LRMDA: variants seen among roughly 807,000 people sequenced by gnomAD.
LRMDA encodes leucine rich melanocyte differentiation associated, also known as leucine-rich melanocyte differentiation-associated protein.
In LRMDA, 18 loss-of-function variants were observed where a neutral mutation model predicts 29.8. The observed-to-expected ratio is 0.60, with a 90% CI of 0.42 to 0.90. The LOEUF (loss-of-function observed/expected upper bound fraction) is 0.90. Ranked by LOEUF, LRMDA falls within the 40% of genes least tolerant of loss-of-function variation. LRMDA has a pLI of 0.00. For synonymous variants in LRMDA, 125 were observed against 109.4 expected (o/e 1.14, Z -0.89); for missense variants, 273 against 273.9 (o/e 1.00, Z 0.02).
intron 2 of LRMDA, among the ~76,000 whole-genome samples, chr10:75,844,975 C>T (rs888297796): frequency 6.6e-6 from 1 of 152,104 alleles, no homozygotes; most frequent in Non-Finnish European, 1.5e-5. Flanking sequence ...TGTGAACATA[C>T]CATAGTTTTC....
intron 5 of LRMDA, among the ~76,000 whole-genome samples, chr10:76,176,729 G>A (rs1850943411): frequency 6.6e-6 from 1 of 152,198 alleles, no homozygotes; most frequent in South Asian, 2.1e-4. Flanking sequence ...GGAGGCGGAG[G>A]TTGCAGTGAG....
intron 2 of LRMDA, among the ~76,000 whole-genome samples, chr10:75,781,106 G>T (rs1387964859): frequency 2.0e-5 from 3 of 152,160 alleles, no homozygotes; most frequent in African/African-American, 7.2e-5. Flanking sequence ...CACTGTAGCA[G>T]AATCTTCCCT....
At chr10:75,897,074 A>G (rs1226399543) in intron 2 of LRMDA, among the ~76,000 whole-genome samples, 2 of 152,184 alleles carry the variant, frequency 1.3e-5, no homozygotes. Flanking sequence ...ACCGTAGAAA[A>G]GCTGAAATGT....
At chr10:75,824,139 A>G (rs1446118409) in intron 2 of LRMDA, among the ~76,000 whole-genome samples, 1 of 152,202 alleles carries the variant, frequency 6.6e-6, no homozygotes, top group Non-Finnish European at 1.5e-5. Flanking sequence ...AAATCTATAA[A>G]GAAGTTAATT....
At chr10:76,529,046 T>C (rs1351844431) in intron 6 of LRMDA, among the ~76,000 whole-genome samples, 1 of 152,126 alleles carries the variant, frequency 6.6e-6, no homozygotes, top group Non-Finnish European at 1.5e-5. Flanking sequence ...AGGTTGACGT[T>C]AAGAAAATCT....
At chr10:75,923,967 C>T (rs1006525161) in intron 2 of LRMDA, among the ~76,000 whole-genome samples, 4 of 152,196 alleles carry the variant, frequency 2.6e-5, no homozygotes, top group Non-Finnish European at 5.9e-5. Context: ...TTCATTTCCT[C>T]GGATTATCAT....
At chr10:76,412,654 G>A (rs1489785140) in intron 6 of LRMDA, among the ~76,000 whole-genome samples, 2 of 152,162 alleles carry the variant, frequency 1.3e-5, no homozygotes, top group African/African-American at 2.4e-5. Flanking sequence ...GGAATTGAAT[G>A]AGGAATGATT....
chr10:75,743,803 A>G (rs946535775), intron 2 of LRMDA: 2 of 152,168 alleles, frequency 1.3e-5, no homozygotes, highest in Non-Finnish European at 2.9e-5. Context: ...TAAACTCAAA[A>G]TGTTCTTCCT....
At chr10:76,494,262 G>A (rs758187193) in intron 6 of LRMDA, among the ~76,000 whole-genome samples, 4 of 151,030 alleles carry the variant, frequency 2.6e-5, no homozygotes, top group East Asian at 1.9e-4. Context: ...CTTTCTGATC[G>A]TAGGTAGAGT....
intron 2 of LRMDA, among the ~76,000 whole-genome samples, chr10:75,698,099 G>A (rs1324136256): frequency 5.9e-5 from 9 of 152,158 alleles, no homozygotes; most frequent in Admixed American, 4.6e-4. Context: ...GGGAAATGAT[G>A]GAACCAAGGT....
At chr10:75,816,078 A>T (rs1190431723) in intron 2 of LRMDA, among the ~76,000 whole-genome samples, 1 of 152,230 alleles carries the variant, frequency 6.6e-6, no homozygotes, top group East Asian at 1.9e-4. Context: ...TTCATGTGAC[A>T]TCATTGGAGG....
intron 6 of LRMDA, among the ~76,000 whole-genome samples, chr10:76,551,444 T>C (rs956546801): frequency 3.9e-5 from 6 of 152,200 alleles, no homozygotes; most frequent in Non-Finnish European, 5.9e-5. Context: ...TTAACAAATA[T>C]TTATTGAACA....
At chr10:76,028,524 G>C (rs193009697) in intron 2 of LRMDA, among the ~76,000 whole-genome samples, 175 of 152,074 alleles carry the variant, frequency 1.2e-3, no homozygotes, top group African/African-American at 4.1e-3. Context: ...ATTCTAACAG[G>C]ATCATTTTGG....
chr10:76,029,177 A>G (rs968870941), intron 2 of LRMDA, among the ~76,000 whole-genome samples: 1 of 152,196 alleles, frequency 6.6e-6, no homozygotes, highest in Non-Finnish European at 1.5e-5. Flanking sequence ...ATCTCCATTA[A>G]CAACTGGTCT....
chr10:76,089,688 G>C (rs1009564023), intron 5 of LRMDA, among the ~76,000 whole-genome samples: 1 of 152,140 alleles, frequency 6.6e-6, no homozygotes, highest in African/African-American at 2.4e-5. Context: ...GCACCACTCT[G>C]CTCTGAGCTG....
chr10:76,160,054 T>C (rs560694604), intron 5 of LRMDA, among the ~76,000 whole-genome samples: 8 of 152,088 alleles, frequency 5.3e-5, no homozygotes, highest in Middle Eastern at 3.2e-3. Context: ...TGATGTAGGT[T>C]CATCAGTGTA....
intron 2 of LRMDA, among the ~76,000 whole-genome samples, chr10:75,851,362 A>C (rs1307236864): frequency 6.6e-6 from 1 of 152,142 alleles, no homozygotes; most frequent in Admixed American, 6.5e-5. Context: ...ATGTTTTTCT[A>C]TTCTTATCCT....
chr10:75,525,543 T>C (rs181642056), intron 2 of LRMDA, among the ~76,000 whole-genome samples: 3 of 152,072 alleles, frequency 2.0e-5, no homozygotes, highest in African/African-American at 7.2e-5. Context: ...GGGATTGAGA[T>C]AATTGTATCT....
At chr10:76,326,799 C>A (rs2132401082) in intron 6 of LRMDA, among the ~76,000 whole-genome samples, 1 of 152,248 alleles carries the variant, frequency 6.6e-6, no homozygotes, top group South Asian at 2.1e-4. Context: ...CAAAGGAAGT[C>A]CGGGCTTAGA....
Sources: gnomAD v4.1 joint callset for allele counts (sites outside exome capture counted in the v4.1 genomes callset) on GRCh38, gnomAD v4.1.1 for gene constraint, MANE v1.5 for transcripts, NCBI Gene and HGNC (gene_info 2026-07-23, HGNC 2026-07-21) for gene names.